The following B4GALNT4 variants were observed in gnomAD, a reference collection of about 807,000 sequenced individuals.
B4GALNT4 encodes the protein beta-1,4-N-acetyl-galactosaminyltransferase 4, also known as N-acetyl-beta-glucosaminyl-glycoprotein 4-beta-N-acetylgalactosaminyltransferase 1.
In B4GALNT4, 77 loss-of-function variants were observed where a neutral mutation model predicts 110.0. That is an observed-to-expected ratio of 0.70 (90% confidence interval 0.58 to 0.85). The LOEUF is 0.85. Ranked by LOEUF, B4GALNT4 falls within the 40% of genes least tolerant of loss-of-function variation. The pLI is 0.00. For missense variants in B4GALNT4, 1,575 were observed against 1,506.0 expected (o/e 1.05, Z -0.76); for synonymous variants, 785 against 655.5 (o/e 1.20, Z -3.02).
In B4GALNT4 at chr11:379,854, T is replaced by C. The variant is rs758421551; in HGVS notation, c.2489-12T>C. On this transcript the variant is annotated splice_polypyrimidine_tract_variant and intron_variant, in intron 15 of 19. Coordinates refer to ENST00000329962, the MANE Select transcript of B4GALNT4 (RefSeq NM_178537.5). The stretch of plus-strand genomic sequence containing the variant: ...CGTCGGCTCAGCGCCCCCCCCGCCT[T>C]TTCTCCTCCAGTGAAAAACCAGGCA... The C allele has an allele frequency of 4.5e-6, 7 of 1,568,384 alleles. No homozygotes were observed. Among genetic ancestry groups the C allele is most frequent in the East Asian group, 2.3e-5 (1 of 44,424 alleles).
intron 6 of B4GALNT4, 39 bp from the exon 7 acceptor site, chr11:373,410 C>G (rs754202206): frequency 7.3e-6 from 3 of 409,492 alleles, no homozygotes; most frequent in African/African-American, 8.3e-5. Flanking sequence ...GAGAGTGAAC[C>G]CCCCCCCCCA....
Position 376,602 on chromosome 11 carries a change from C to A in B4GALNT4, c.1479C>A (p.Ala493=). Reference sequence around the variant, plus strand: ...GGGGGACCCCCAGGCACTCCCGGGCCCTGAGCTGGGCCGCCAGGGCCGCCC... The same window carrying A: ...GGGGGACCCCCAGGCACTCCCGGGCACTGAGCTGGGCCGCCAGGGCCGCCC... ...RDGGTPRHSR[A]LSWAARAARP... is the part of the protein sequence containing the mutation. The change falls in exon 14 of 20, where the codon GCC becomes GCA. Residue 493 remains alanine, a synonymous_variant. Coordinates refer to ENST00000329962, the MANE Select transcript of B4GALNT4 (RefSeq NM_178537.5). 1 of 1,390,620 alleles carries A rather than the reference C, an allele frequency of 7.2e-7. No homozygotes were observed. Among genetic ancestry groups the A allele is most frequent in the Non-Finnish European group, 9.3e-7 (1 of 1,076,140 alleles). The allele number at this position is 1,390,620 out of a possible 1,614,324, so 86.1% of individuals were successfully genotyped here.
rs750041895 is a variant in B4GALNT4, at chr11:372,875, C to T, written c.372C>T (p.His124=). ...REEYKGQVNL[H]VFEDWCGGAV... ...AGTACAAGGGGCAGGTGAACCTGCA[C>T]GTGTTTGAGGACTGGTGTGGGGGCG... is the stretch of plus-strand genomic sequence containing the variant. Residue 124 remains histidine (H), a synonymous_variant, in exon 4 of 20, where the codon CAC becomes CAT. Coordinates refer to ENST00000329962, the MANE Select transcript of B4GALNT4 (RefSeq NM_178537.5). 1.4e-5 allele frequency: 23 copies of T among 1,604,986 alleles called. No individual in the cohort carries two copies. Among genetic ancestry groups the T allele is most frequent in the South Asian group, 1.1e-5 (1 of 90,858 alleles).
At chr11:370,039 C>CGCGGGG (rs1846587648) in intron 1 of B4GALNT4, 85 bp downstream of exon 1, 1 of 71,320 alleles carries the variant, frequency 1.4e-5, no homozygotes, top group Non-Finnish European at 3.1e-5. Context: ...GGGGCGCGGG[C>CGCGGGG]GGCGCGGGCG....
At chr11:380,264 C>T in intron 17 of B4GALNT4, 28 bp from the exon 18 acceptor site, 9 of 1,609,408 alleles carry the variant, frequency 5.6e-6, no homozygotes, top group Non-Finnish European at 7.6e-6. Context: ...GAGCGGAGGG[C>T]GGGGCTCAGA....
intron 14 of B4GALNT4, among the ~76,000 whole-genome samples, chr11:379,095 G>A (rs1277682580): frequency 2.0e-5 from 3 of 152,232 alleles, no homozygotes; most frequent in Non-Finnish European, 2.9e-5. Context: ...AACTCCTGAA[G>A]GTTTCTGAGC....
chr11:370,828 G>T (rs1846604282), intron 1 of B4GALNT4, among the ~76,000 whole-genome samples: 1 of 152,028 alleles, frequency 6.6e-6, no homozygotes, highest in African/African-American at 2.4e-5. Context: ...ACTGGCTGGG[G>T]ACTCCTGGGC....
rs1217573965 is a variant in B4GALNT4 at position 380,035 on chromosome 11, T to TC, written c.2642+18dup. Reference sequence around the variant, plus strand: ...GCCTGCCCCGGTAACGACCCCTACTTCCACCTGGGCGGACCCAGCGCAGCT... The same window carrying TC: ...GCCTGCCCCGGTAACGACCCCTACTTCCCACCTGGGCGGACCCAGCGCAGCT... On this transcript the variant is annotated intron_variant, in intron 16 of 19. Transcript: ENST00000329962. 7.5e-6 allele frequency: 12 copies of TC among 1,610,342 alleles called. No homozygotes were observed. Among genetic ancestry groups the TC allele is most frequent in the Non-Finnish European group, 1.0e-5 (12 of 1,178,010 alleles).
Position 381,741 on chromosome 11 carries a change from G to A in B4GALNT4, c.3069G>A (p.Arg1023=), listed in dbSNP as rs1846880825. 3 of 1,589,614 alleles carry A rather than the reference G, an allele frequency of 1.9e-6. No homozygotes were observed. The highest frequency in any genetic ancestry group is 1.8e-5 in the Admixed American group (1 of 54,980). The change falls in exon 20 of 20, where the codon AGG becomes AGA. Residue 1023 remains arginine (R), a synonymous_variant. Coordinates refer to ENST00000329962, the MANE Select transcript of B4GALNT4 (RefSeq NM_178537.5). The part of the protein sequence containing the change: ...RNFYHHYHSK[R]GMWSVRSRKG... ...TCTATCACCACTACCACTCCAAGAGGGGCATGTGGAGCGTCCGCAGCAGGA... is the reference window on the plus strand; with the variant it reads ...TCTATCACCACTACCACTCCAAGAGAGGCATGTGGAGCGTCCGCAGCAGGA...
chr11:380,569 T>C, intron 18 of B4GALNT4, 124 bp downstream of exon 18: 1 of 1,389,166 alleles, frequency 7.2e-7, no homozygotes, highest in South Asian at 1.2e-5. Flanking sequence ...GTGCTCCCCG[T>C]AGTGCCCAGA....
rs1242983954 is a variant in B4GALNT4, at chr11:373,520, A to G, written c.704+4A>G. 1 of 1,610,062 alleles carries G rather than the reference A, an allele frequency of 6.2e-7. No homozygotes were observed. The highest frequency in any genetic ancestry group is 1.3e-5 in the African/African-American group (1 of 74,426). ...CCCAGGTGTCCAAGCCCAGGCGGTG[A>G]GTGACTGTGGGGTGCATGTGCGTGC... On this transcript the variant is annotated splice_donor_region_variant and intron_variant, in intron 7 of 19. Coordinates refer to ENST00000329962, the MANE Select transcript of B4GALNT4 (RefSeq NM_178537.5).
chr11:381,759 C>T lies in B4GALNT4; in HGVS notation c.3087C>T (p.Arg1029=), dbSNP rs754132699. Residue 1029 remains arginine, a synonymous_variant, in exon 20 of 20, where the codon CGC becomes CGT. Transcript: ENST00000329962. ...CCAAGAGGGGCATGTGGAGCGTCCG[C>T]AGCAGGAAGGGCTCTCGCACGGGGG... ...YHSKRGMWSV[R]SRKGSRTGAS The T allele has an allele frequency of 6.9e-6, 11 of 1,586,498 alleles. No homozygotes were observed. The Middle Eastern group carries it at 1.0e-3, about 145-fold the overall frequency.
chr11:376,517 C>T lies in B4GALNT4; in HGVS notation c.1394C>T (p.Ala465Val), dbSNP rs772003661. 6.7e-7 allele frequency: 1 copy of T among 1,490,488 alleles called. No homozygotes were observed. Among genetic ancestry groups the T allele is most frequent in the Non-Finnish European group, 8.9e-7 (1 of 1,126,266 alleles). The allele number at this position is 1,490,488 out of a possible 1,614,324, so 92.3% of individuals were successfully genotyped here. A position where few individuals can be genotyped will look rare whatever the true frequency, so the allele number is the denominator to read the frequency against. The change falls in exon 14 of 20, where the codon GCA (alanine) becomes GTA (valine). Residue 465 changes from alanine to valine, a missense_variant. Transcript: ENST00000329962. ...AGCGGCCCCCAGTCCCCCGCCCCAG[C>T]AGCCCCCGCCCAGCCCGGAGCCACC... ...PRSGPQSPAP[A>V]APAQPGATLA...
At chr11:370,122 C>T (rs1307773272) in intron 1 of B4GALNT4, among the ~76,000 whole-genome samples, 168 bp downstream of exon 1, 3 of 150,040 alleles carry the variant, frequency 2.0e-5, no homozygotes. Context: ...CTCCCGGAGA[C>T]CCCGCCCGCT....
At chr11:381,075 TC>T in intron 19 of B4GALNT4, 124 bp downstream of exon 19, 1 of 1,478,380 alleles carries the variant, frequency 6.8e-7, no homozygotes, top group East Asian at 2.5e-5. Context: ...CCCTTCCCGG[TC>T]TTCCCAGTAT....
At chr11:380,803 A>G (rs748672721) in intron 18 of B4GALNT4, 22 bp from the exon 19 acceptor site, 45 of 1,613,170 alleles carry the variant, frequency 2.8e-5, no homozygotes, top group Non-Finnish European at 3.4e-5. Flanking sequence ...GAAGGGTAGC[A>G]CCCCTCACCC....
chr11:374,547 G>A (rs1316155249), intron 8 of B4GALNT4, among the ~76,000 whole-genome samples: 1 of 135,698 alleles, frequency 7.4e-6, no homozygotes, highest in Non-Finnish European at 1.6e-5. Flanking sequence ...GGAACAGAAG[G>A]GCCTGAGACA....
chr11:379,740 G>A, intron 15 of B4GALNT4, 39 bp downstream of exon 15: 2 of 1,500,014 alleles, frequency 1.3e-6, no homozygotes, highest in Non-Finnish European at 1.8e-6. Context: ...GAGACCTCGT[G>A]GAAGGAACAT....
rs146550430 is a variant in B4GALNT4 at position 380,144 on chromosome 11, G to C, written c.2657G>C (p.Arg886Thr). The change falls in exon 17 of 20, where the codon AGA (arginine) becomes ACA (threonine). Residue 886 changes from arginine (R) to threonine (T), a missense_variant. Transcript: ENST00000329962. ...AARLPRYQYL[R>T]RTGNFERSAG... ...GCCCTCCCCAGGTACCAGTACCTGA[G>C]ACGAACCGGGAACTTCGAGCGCTCC... is the stretch of plus-strand genomic sequence containing the variant. 1 of 1,603,906 alleles carries C rather than the reference G, an allele frequency of 6.2e-7. No individual in the cohort carries two copies. The highest frequency in any genetic ancestry group is 8.5e-7 in the Non-Finnish European group (1 of 1,173,086).
Sources: allele counts gnomAD v4.1 joint callset (sites outside exome capture counted in the v4.1 genomes callset), GRCh38; gene constraint gnomAD v4.1.1; transcripts MANE v1.5; gene names NCBI Gene and HGNC (gene_info 2026-07-23, HGNC 2026-07-21).